The following EYS variants were observed in gnomAD, a reference collection of about 807,000 sequenced individuals.
EYS encodes the protein protein eyes shut homolog.
EYS carries 250 observed loss-of-function variants against 282.1 expected under a neutral mutation model. The observed-to-expected ratio is 0.89, with a 90% CI of 0.80 to 0.98. EYS has a LOEUF of 0.98. Among genes scored for constraint, EYS ranks in the 50% least tolerant of loss-of-function variants. EYS has a pLI of 0.00. For synonymous variants in EYS, 1,355 were observed against 1,282.9 expected (o/e 1.06, Z -1.20); for missense variants, 4,016 against 3,709.0 (o/e 1.08, Z -2.15).
intron 37 of EYS, among the ~76,000 whole-genome samples, chr6:63,804,760 T>A (rs972198518): frequency 6.6e-6 from 1 of 152,182 alleles, no homozygotes; most frequent in African/African-American, 2.4e-5. Context: ...ACAGATGGGT[T>A]TTAAACAAGG....
intron 26 of EYS, among the ~76,000 whole-genome samples, chr6:64,514,507 A>G (rs368914733): frequency 2.0e-5 from 3 of 151,874 alleles, no homozygotes; most frequent in Non-Finnish European, 2.9e-5. Context: ...AAGACTTTAT[A>G]TTTTAATGGA....
At chr6:65,418,409 G>A (rs535686911) in intron 5 of EYS, among the ~76,000 whole-genome samples, 2 of 152,038 alleles carry the variant, frequency 1.3e-5, no homozygotes, top group South Asian at 4.2e-4. Flanking sequence ...CTGCTATAAG[G>A]ACACATGCAC....
chr6:63,752,927 T>C (rs553092630), intron 41 of EYS, among the ~76,000 whole-genome samples: 2 of 152,088 alleles, frequency 1.3e-5, no homozygotes, highest in Admixed American at 1.3e-4. Flanking sequence ...TTGTATGTTA[T>C]ATTTTGCTTA....
At chr6:64,044,136 G>T (rs1770516014) in intron 33 of EYS, among the ~76,000 whole-genome samples, 1 of 152,146 alleles carries the variant, frequency 6.6e-6, no homozygotes, top group South Asian at 2.1e-4. Flanking sequence ...TTCCAAATAT[G>T]TTCAACGGTC....
intron 35 of EYS, among the ~76,000 whole-genome samples, chr6:63,865,150 G>T (rs1307602429): frequency 6.6e-6 from 1 of 152,198 alleles, no homozygotes; most frequent in Non-Finnish European, 1.5e-5. Context: ...TACATGACAC[G>T]CTAGGCCAAC....
At chr6:63,993,053 A>T (rs762173440) in intron 34 of EYS, among the ~76,000 whole-genome samples, 9 of 151,814 alleles carry the variant, frequency 5.9e-5, no homozygotes, top group Non-Finnish European at 1.3e-4. Context: ...GGAGAATGTA[A>T]TAATAATTAC....
At chr6:64,620,573 G>A (rs1767414708) in intron 23 of EYS, among the ~76,000 whole-genome samples, 1 of 152,170 alleles carries the variant, frequency 6.6e-6, no homozygotes, top group South Asian at 2.1e-4. Flanking sequence ...AGTGGATACT[G>A]AGTGTCAATC....
intron 30 of EYS, among the ~76,000 whole-genome samples, chr6:64,269,015 GA>G (rs532105279): frequency 6.6e-6 from 1 of 152,094 alleles, no homozygotes; most frequent in South Asian, 2.1e-4. Flanking sequence ...TCCACTGGCT[GA>G]AAAAATGTAT....
intron 11 of EYS, chr6:65,330,303 T>C (rs1418611904): frequency 1.0e-6 from 1 of 962,132 alleles, no homozygotes; most frequent in African/African-American, 1.8e-5. Context: ...TTCATTCTGT[T>C]ATGATATTTC....
At chr6:63,753,996 T>C in intron 41 of EYS, among the ~76,000 whole-genome samples, 1 of 152,140 alleles carries the variant, frequency 6.6e-6, no homozygotes. Context: ...CCCATTTAGG[T>C]CCAACTAGCA....
chr6:64,698,814 A>C (rs1386203476), intron 22 of EYS, among the ~76,000 whole-genome samples: 2 of 152,228 alleles, frequency 1.3e-5, no homozygotes, highest in Non-Finnish European at 2.9e-5. Flanking sequence ...ATTATTAAAA[A>C]GTCACAAAAT....
At chr6:64,716,567 G>C (rs966874267) in intron 22 of EYS, among the ~76,000 whole-genome samples, 1 of 152,144 alleles carries the variant, frequency 6.6e-6, no homozygotes, top group Non-Finnish European at 1.5e-5. Context: ...AGAGGAAGAC[G>C]TTGCCACCTT....
chr6:65,410,088 C>G lies in EYS; in HGVS notation c.863-4721G>C, dbSNP rs147737318. Reference sequence around the variant, plus strand: ...ATATTTGATTAGATGTTTAGTGGTACTTAATTAGACATAAATATTATTTGA... The same window carrying G: ...ATATTTGATTAGATGTTTAGTGGTAGTTAATTAGACATAAATATTATTTGA... On this transcript the variant is annotated intron_variant, in intron 5 of 42. Coordinates refer to ENST00000503581, the MANE Select transcript of EYS (RefSeq NM_001142800.2). 9.1e-3 allele frequency among the ~76,000 whole-genome samples: 1,388 copies of G among 151,950 alleles called. 30 individuals carry two copies. Among genetic ancestry groups the G allele is most frequent in the African/African-American group, 0.032 (1,308 of 41,472 alleles).
chr6:63,993,556 A>AGTTTTTT (rs1562138231), intron 34 of EYS, among the ~76,000 whole-genome samples: 1 of 151,884 alleles, frequency 6.6e-6, no homozygotes, highest in African/African-American at 2.4e-5. Context: ...TAAGAAAACA[A>AGTTTTTT]TTTTATCTAT....
chr6:65,198,788 T>C (rs1765830786), intron 12 of EYS, among the ~76,000 whole-genome samples: 1 of 152,152 alleles, frequency 6.6e-6, no homozygotes, highest in Non-Finnish European at 1.5e-5. Flanking sequence ...GATTTGGTTG[T>C]TCAGATTAGG....
At chr6:65,245,569 T>C (rs948389203) in intron 12 of EYS, among the ~76,000 whole-genome samples, 3 of 152,132 alleles carry the variant, frequency 2.0e-5, no homozygotes, top group African/African-American at 7.2e-5. Flanking sequence ...TATATTGATG[T>C]TCTTTCTCAG....
At chr6:64,407,353 C>T (rs952283524) in intron 28 of EYS, among the ~76,000 whole-genome samples, 2 of 151,974 alleles carry the variant, frequency 1.3e-5, no homozygotes, top group Admixed American at 6.6e-5. Context: ...GTGTAGATGA[C>T]GGGTTGATGG....
intron 41 of EYS, among the ~76,000 whole-genome samples, chr6:63,761,918 A>T (rs912650243): frequency 1.3e-5 from 2 of 152,086 alleles, no homozygotes; most frequent in Non-Finnish European, 2.9e-5. Context: ...ATTATCCCTT[A>T]GCCACAGCCC....
At chr6:64,346,387 T>C (rs1294643792) in intron 29 of EYS, among the ~76,000 whole-genome samples, 2 of 151,874 alleles carry the variant, frequency 1.3e-5, no homozygotes, top group African/African-American at 2.4e-5. Flanking sequence ...AAATGATGAG[T>C]TCATGTCCTT....
Sources: gnomAD v4.1 joint callset for allele counts (sites outside exome capture counted in the v4.1 genomes callset) on GRCh38, gnomAD v4.1.1 for gene constraint, MANE v1.5 for transcripts, NCBI Gene and HGNC (gene_info 2026-07-23, HGNC 2026-07-21) for gene names.